Variants in CABLES1 observed in about 807,000 individuals in gnomAD.
The protein encoded by CABLES1 is Cdk5 and Abl enzyme substrate 1.
In CABLES1, 36 loss-of-function variants were observed where a neutral mutation model predicts 57.8. The observed-to-expected ratio is 0.62, with a 90% CI of 0.48 to 0.82. The LOEUF (loss-of-function observed/expected upper bound fraction) is 0.82, where lower values mean the gene tolerates loss of function less well. Ranked by LOEUF, CABLES1 falls within the 40% of genes least tolerant of loss-of-function variation. The pLI is 0.00. For missense variants in CABLES1, 767 were observed against 836.6 expected (o/e 0.92, Z 1.03); for synonymous variants, 374 against 363.0 (o/e 1.03, Z -0.35).
intron 1 of CABLES1, among the ~76,000 whole-genome samples, chr18:23,165,874 A>C: frequency 6.6e-6 from 1 of 152,122 alleles, no homozygotes; most frequent in East Asian, 1.9e-4. Context: ...GCGATCTCTC[A>C]TGTAGGGGTG....
At chr18:23,206,005 C>G (rs1334205406) in intron 3 of CABLES1, among the ~76,000 whole-genome samples, 1 of 152,160 alleles carries the variant, frequency 6.6e-6, no homozygotes, top group African/African-American at 2.4e-5. Flanking sequence ...TCAAATGGAG[C>G]ATGGGCCTGC....
intron 1 of CABLES1, among the ~76,000 whole-genome samples, chr18:23,185,409 C>T (rs1030826740): frequency 1.3e-5 from 2 of 152,146 alleles, no homozygotes; most frequent in South Asian, 4.2e-4. Context: ...CCATGGATCC[C>T]CACGTGACTC....
At chr18:23,177,632 G>C (rs2047134132) in intron 1 of CABLES1, among the ~76,000 whole-genome samples, 1 of 152,076 alleles carries the variant, frequency 6.6e-6, no homozygotes, top group Non-Finnish European at 1.5e-5. Context: ...ACTTTGCTGG[G>C]AGGAATTCTT....
intron 9 of CABLES1, among the ~76,000 whole-genome samples, chr18:23,256,220 CATG>C (rs916490086): frequency 1.3e-5 from 2 of 152,250 alleles, no homozygotes; most frequent in Non-Finnish European, 2.9e-5. Context: ...CCTGAGCAAA[CATG>C]AGGCCCTCCC....
chr18:23,159,625 G>T (rs994151383), intron 1 of CABLES1, among the ~76,000 whole-genome samples: 1 of 152,162 alleles, frequency 6.6e-6, no homozygotes, highest in African/African-American at 2.4e-5. Flanking sequence ...GCGACGGGAC[G>T]AGATACACTG....
intron 2 of CABLES1, 42 bp from the exon 3 acceptor site, chr18:23,194,406 G>A (rs1459075099): frequency 8.0e-7 from 1 of 1,257,516 alleles, no homozygotes; most frequent in Non-Finnish European, 1.2e-6. Flanking sequence ...CAGCTGTCCA[G>A]CAGGCAACTG....
At chr18:23,214,405 C>A (rs2047426906) in intron 4 of CABLES1, among the ~76,000 whole-genome samples, 1 of 152,136 alleles carries the variant, frequency 6.6e-6, no homozygotes, top group African/African-American at 2.4e-5. Flanking sequence ...TCAGAACAAA[C>A]CCTGTGACCA....
intron 1 of CABLES1, among the ~76,000 whole-genome samples, chr18:23,178,455 G>C (rs992095907): frequency 4.0e-5 from 6 of 151,676 alleles, no homozygotes; most frequent in African/African-American, 1.5e-4. Context: ...CCCTAAGGCT[G>C]TCCAGGGACC....
At chr18:23,205,966 G>C (rs1324512272) in intron 3 of CABLES1, among the ~76,000 whole-genome samples, 1 of 152,200 alleles carries the variant, frequency 6.6e-6, no homozygotes, top group Non-Finnish European at 1.5e-5. Flanking sequence ...CCAGGAGACA[G>C]GCCTGGAGCA....
chr18:23,246,248 A>G (rs1466393582), intron 7 of CABLES1, among the ~76,000 whole-genome samples: 2 of 149,236 alleles, frequency 1.3e-5, no homozygotes, highest in African/African-American at 2.5e-5. Context: ...CCTAGGTGAC[A>G]GAGTGAGACT....
intron 1 of CABLES1, among the ~76,000 whole-genome samples, chr18:23,180,387 G>A (rs972701208): frequency 6.6e-6 from 1 of 152,166 alleles, no homozygotes; most frequent in Non-Finnish European, 1.5e-5. Flanking sequence ...AGCTTAAGAT[G>A]CTGCTAGGGA....
chr18:23,231,980 T>C (rs1315662541), intron 4 of CABLES1, among the ~76,000 whole-genome samples: 2 of 151,948 alleles, frequency 1.3e-5, no homozygotes, highest in African/African-American at 2.4e-5. Flanking sequence ...CAGTGGAAAA[T>C]CACCCAAGTT....
upstream of CABLES1, chr18:23,135,484 C>G (rs974013262): frequency 2.6e-5 from 4 of 152,466 alleles, no homozygotes; most frequent in Admixed American, 2.0e-4. Flanking sequence ...CCCCGGAGCC[C>G]GCGAGCCAGC....
intron 1 of CABLES1, among the ~76,000 whole-genome samples, chr18:23,182,310 G>T (rs1291283146): frequency 2.0e-5 from 3 of 152,146 alleles, no homozygotes; most frequent in Non-Finnish European, 1.5e-5. Context: ...AACCTTAAAA[G>T]TTCCTCATTC....
At chr18:23,142,778 G>C (rs2046865874) in intron 1 of CABLES1, among the ~76,000 whole-genome samples, 1 of 152,112 alleles carries the variant, frequency 6.6e-6, no homozygotes, top group Non-Finnish European at 1.5e-5. Flanking sequence ...AGTGGTTAGA[G>C]GTGAGCTTGT....
chr18:23,151,847 G>A (rs536386629), intron 1 of CABLES1, among the ~76,000 whole-genome samples: 23 of 152,288 alleles, frequency 1.5e-4, no homozygotes, highest in Non-Finnish European at 2.6e-4. Context: ...GAGGAGCAGC[G>A]GGTTTGAAGA....
chr18:23,257,143 T>C, intron 9 of CABLES1, 84 bp from the exon 10 acceptor site: 1 of 1,482,080 alleles, frequency 6.7e-7, no homozygotes, highest in South Asian at 1.2e-5. Flanking sequence ...ACTCACTGGC[T>C]GGTGGATAGA....
At chr18:23,214,211 T>C (rs2047425516) in intron 4 of CABLES1, 157 bp downstream of exon 4, 1 of 579,798 alleles carries the variant, frequency 1.7e-6, no homozygotes, top group East Asian at 2.9e-5. Context: ...ATGTTCCACT[T>C]TCTTTTCAGC....
intron 1 of CABLES1, among the ~76,000 whole-genome samples, chr18:23,187,678 T>C (rs1773864960): frequency 6.6e-6 from 1 of 152,146 alleles, no homozygotes; most frequent in African/African-American, 2.4e-5. Flanking sequence ...TGAGCCACCG[T>C]GCCTGGCCAC....
Sources: allele counts gnomAD v4.1 joint callset (sites outside exome capture counted in the v4.1 genomes callset), GRCh38; gene constraint gnomAD v4.1.1; transcripts MANE v1.5; gene names NCBI Gene and HGNC (gene_info 2026-07-23, HGNC 2026-07-21).